ZBTB46: variants seen among roughly 807,000 people sequenced by gnomAD.
ZBTB46 encodes the protein zinc finger and BTB domain-containing protein 46.
Under a neutral mutation model 44.1 loss-of-function variants are expected in ZBTB46, and 8 were observed. The ratio of observed to expected loss-of-function variants is 0.18; its 90% CI spans 0.11 to 0.33. The LOEUF (loss-of-function observed/expected upper bound fraction) is 0.33. Ranked by LOEUF, ZBTB46 falls within the 10% of genes least tolerant of loss-of-function variation. The probability of loss-of-function intolerance (pLI) is 1.00; values close to 1 mark genes in which losing one functional copy is unlikely to be tolerated. For missense variants in ZBTB46, 651 were observed against 847.7 expected, an observed-to-expected ratio of 0.77 and a Z score of 2.88; for synonymous variants, 409 against 382.3, an observed-to-expected ratio of 1.07 and a Z score of -0.81.
chr20:63,820,849 C>A (rs1338138527), intron 1 of ZBTB46, among the ~76,000 whole-genome samples: 1 of 152,118 alleles, frequency 6.6e-6, no homozygotes, highest in Non-Finnish European at 1.5e-5. Flanking sequence ...CTGCCTCATC[C>A]TCCCGAAGAT....
At chr20:63,801,501 C>T (rs964759565) in intron 1 of ZBTB46, among the ~76,000 whole-genome samples, 2 of 152,220 alleles carry the variant, frequency 1.3e-5, no homozygotes, top group African/African-American at 2.4e-5. Flanking sequence ...CTGCCCCAAC[C>T]AGCAGTGGCA....
At chr20:63,826,161 G>C (rs563124498) in intron 1 of ZBTB46, among the ~76,000 whole-genome samples, 2 of 152,400 alleles carry the variant, frequency 1.3e-5, no homozygotes, top group African/African-American at 4.8e-5. Context: ...TTTCTTCAGA[G>C]TGGTTGGAAG....
intron 2 of ZBTB46, among the ~76,000 whole-genome samples, chr20:63,786,298 T>C (rs888747335): frequency 6.6e-6 from 1 of 152,118 alleles, no homozygotes; most frequent in Non-Finnish European, 1.5e-5. Flanking sequence ...CAGCAGCACA[T>C]AGAGAAACGA....
rs1354048769 is a variant in ZBTB46 at position 63,743,965 on chromosome 20, CTTCA to C, written c.*2961_*2964del. The C allele has an allele frequency of 6.6e-6, 1 of 152,612 alleles. No homozygotes were observed. The highest frequency in any genetic ancestry group is 2.4e-5 in the African/African-American group (1 of 41,432). 9.5% of individuals were successfully genotyped at this position (152,612 alleles called of 1,614,324 possible). ...TTATCCCCAGAAAAAAATCAACAAT[CTTCA>C]AACACTGCCCTTTTTTTGTGTGTTT... On this transcript the variant is annotated 3_prime_UTR_variant, in exon 5 of 5. Coordinates refer to ENST00000245663, the MANE Select transcript of ZBTB46 (RefSeq NM_001369741.1).
At chr20:63,770,091 C>T (rs569813983) in intron 3 of ZBTB46, among the ~76,000 whole-genome samples, 12 of 152,214 alleles carry the variant, frequency 7.9e-5, no homozygotes, top group South Asian at 2.1e-4. Context: ...ACACCAGCAA[C>T]GCTCCAGAGG....
At chr20:63,798,798 G>T (rs1601495386) in intron 1 of ZBTB46, among the ~76,000 whole-genome samples, 1 of 147,662 alleles carries the variant, frequency 6.8e-6, no homozygotes, top group East Asian at 2.0e-4. Context: ...GAGCCAAGAT[G>T]GTGCCACTGC....
intron 3 of ZBTB46, among the ~76,000 whole-genome samples, chr20:63,758,362 T>G (rs1361776225): frequency 6.6e-6 from 1 of 151,864 alleles, no homozygotes; most frequent in Non-Finnish European, 1.5e-5. Context: ...TTACCCTGCC[T>G]TGCCCGTTCC....
At chr20:63,826,793 G>A (rs999988065) in intron 1 of ZBTB46, among the ~76,000 whole-genome samples, 2 of 152,342 alleles carry the variant, frequency 1.3e-5, no homozygotes, top group African/African-American at 2.4e-5. Context: ...GGCATTATGT[G>A]TGCTGAACCA....
At chr20:63,773,934 G>A (rs1345671042) in intron 3 of ZBTB46, among the ~76,000 whole-genome samples, 6 of 151,978 alleles carry the variant, frequency 3.9e-5, no homozygotes, top group Admixed American at 3.3e-4. Context: ...TTTTGCATTT[G>A]AGAGGGGACG....
intron 1 of ZBTB46, among the ~76,000 whole-genome samples, chr20:63,812,860 C>T (rs2092725484): frequency 6.6e-6 from 1 of 152,034 alleles, no homozygotes; most frequent in Admixed American, 6.6e-5. Flanking sequence ...CTTTGAGAGG[C>T]CAAGGCAGGT....
At chr20:63,755,005 C>G (rs1167970615) in intron 3 of ZBTB46, among the ~76,000 whole-genome samples, 1 of 152,184 alleles carries the variant, frequency 6.6e-6, no homozygotes, top group Non-Finnish European at 1.5e-5. Context: ...TTAATTCAGA[C>G]CTACATGTTA....
In ZBTB46 at chr20:63,831,078, A is replaced by T. The variant is rs1342518465; in HGVS notation, c.-34+19T>A. 1 of 135,232 alleles carries T rather than the reference A, an allele frequency of 7.4e-6. No individual in the cohort carries two copies. The highest frequency in any genetic ancestry group is 2.7e-5 in the African/African-American group (1 of 37,638). 8.4% of individuals were successfully genotyped at this position (135,232 alleles called of 1,614,324 possible). A position where few individuals can be genotyped will look rare whatever the true frequency, so the allele number is the denominator to read the frequency against. On this transcript the variant is annotated intron_variant, in intron 1 of 4. Coordinates refer to ENST00000245663, the MANE Select transcript of ZBTB46 (RefSeq NM_001369741.1). ...ATGCGCCCGCCCGGCCGCGCGGACAATGAGCCGGCGCCGCTTACCTGTGAC... is the reference window on the plus strand; with the variant it reads ...ATGCGCCCGCCCGGCCGCGCGGACATTGAGCCGGCGCCGCTTACCTGTGAC...
chr20:63,746,651 C>T lies in ZBTB46; in HGVS notation c.*279G>A, dbSNP rs1568821000. Reference sequence around the variant, plus strand: ...ATCACAGGGGCCACTCACACACCCGCACCACCTGCTGGGGACTTAGGACCG... The same window carrying T: ...ATCACAGGGGCCACTCACACACCCGTACCACCTGCTGGGGACTTAGGACCG... On this transcript the variant is annotated 3_prime_UTR_variant, in exon 5 of 5. Transcript: ENST00000245663. The T allele has an allele frequency of 4.6e-6, 2 of 431,536 alleles. No homozygotes were observed. Among genetic ancestry groups the T allele is most frequent in the Non-Finnish European group, 4.0e-6 (1 of 248,054 alleles). 26.7% of individuals were successfully genotyped at this position (431,536 alleles called of 1,614,324 possible).
At chr20:63,822,798 G>A (rs2092799592) in intron 1 of ZBTB46, among the ~76,000 whole-genome samples, 3 of 152,022 alleles carry the variant, frequency 2.0e-5, no homozygotes, top group Non-Finnish European at 2.9e-5. Context: ...ATGAATGCTT[G>A]AGCCCAGGAG....
intron 1 of ZBTB46, among the ~76,000 whole-genome samples, chr20:63,825,491 G>A (rs2092815202): frequency 7.1e-6 from 1 of 140,184 alleles, no homozygotes. Flanking sequence ...TTGTCCCCAT[G>A]CTGCACAAAC....
At chr20:63,770,746 G>A (rs2092362281) in intron 3 of ZBTB46, among the ~76,000 whole-genome samples, 1 of 152,230 alleles carries the variant, frequency 6.6e-6, no homozygotes. Flanking sequence ...AACTGGGCAG[G>A]CGGTGGGATC....
At chr20:63,786,727 G>A (rs1002658963) in intron 2 of ZBTB46, among the ~76,000 whole-genome samples, 3 of 152,124 alleles carry the variant, frequency 2.0e-5, no homozygotes, top group African/African-American at 7.2e-5. Context: ...GGCCACGATG[G>A]TCTCGATCTC....
chr20:63,775,221 G>T, intron 3 of ZBTB46: 1 of 160,046 alleles, frequency 6.2e-6, no homozygotes, highest in Non-Finnish European at 1.4e-5. Context: ...CGAAGGCAAC[G>T]CAAGGCGAGG....
intron 1 of ZBTB46, among the ~76,000 whole-genome samples, chr20:63,814,394 T>C (rs62219908): frequency 0.042 from 6,322 of 152,242 alleles, 188 homozygotes; most frequent in Middle Eastern, 0.12. Flanking sequence ...AGTTCCAAAA[T>C]AAGTTTTTAA....
Sources: allele counts gnomAD v4.1 joint callset (sites outside exome capture counted in the v4.1 genomes callset), GRCh38; gene constraint gnomAD v4.1.1; transcripts MANE v1.5; gene names NCBI Gene and HGNC (gene_info 2026-07-23, HGNC 2026-07-21).